The following SHANK1 variants were observed in gnomAD, a reference collection of about 807,000 sequenced individuals.
SHANK1 encodes the protein SH3 and multiple ankyrin repeat domains protein 1.
Under a neutral mutation model 165.6 loss-of-function variants are expected in SHANK1, and 35 were observed. The observed-to-expected ratio is 0.21, with a 90% CI of 0.16 to 0.28. The LOEUF (loss-of-function observed/expected upper bound fraction) is 0.28, where lower values mean the gene tolerates loss of function less well. Ranked by LOEUF, SHANK1 falls within the 10% of genes least tolerant of loss-of-function variation. The pLI is 1.00. For synonymous variants in SHANK1, 1,428 were observed against 1,384.8 expected, an observed-to-expected ratio of 1.03 and a Z score of -0.69; for missense variants, 2,681 against 3,036.4, an observed-to-expected ratio of 0.88 and a Z score of 2.75.
rs779320379 is a variant in SHANK1 at position 50,687,579 on chromosome 19, C to T, written c.2389+3G>A. The T allele has an allele frequency of 5.8e-6, 9 of 1,547,860 alleles. No homozygotes were observed. In the East Asian group the frequency reaches 1.2e-4, roughly 21 times the overall value. The stretch of plus-strand genomic sequence containing the variant: ...CCTGGCCTCAGCAGCCCCGCAGGCT[C>T]ACCCATCTCCTCCAGCTCTGAGGTC... On this transcript the variant is annotated splice_donor_region_variant and intron_variant, in intron 19 of 23. Coordinates refer to ENST00000293441, the MANE Select transcript of SHANK1 (RefSeq NM_016148.5).
At chr19:50,694,470 G>C (rs1019022789) in intron 15 of SHANK1, among the ~76,000 whole-genome samples, 3 of 149,444 alleles carry the variant, frequency 2.0e-5, no homozygotes, top group Admixed American at 1.3e-4. Flanking sequence ...AGCCACGGTG[G>C]CTCCCCACAG....
At chr19:50,707,563 CCT>C (rs1491519649) in intron 8 of SHANK1, among the ~76,000 whole-genome samples, 3 of 93,478 alleles carry the variant, frequency 3.2e-5, no homozygotes, top group East Asian at 4.6e-4. Context: ...CCTTCTTCTT[CCT>C]TTTTTTTTTT....
intron 21 of SHANK1, among the ~76,000 whole-genome samples, chr19:50,676,774 A>G (rs1178963701): frequency 6.6e-6 from 1 of 152,118 alleles, no homozygotes; most frequent in Admixed American, 6.5e-5. Flanking sequence ...CTTATTTGGC[A>G]CCTTTTGAGA....
Position 50,717,129 on chromosome 19 carries a change from C to T in SHANK1, c.-43-167G>A, listed in dbSNP as rs2089080235. On this transcript the variant is annotated intron_variant, in intron 1 of 23. Coordinates refer to ENST00000293441, the MANE Select transcript of SHANK1 (RefSeq NM_016148.5). This position sits in a 1 kb window ranked among gnomAD's most constrained non-coding sequence, Gnocchi z 5.5. ...CCTGCACGGCCTCCCCTGCCGCCTCCTCCCACGCTGGCACGCACACACCCC... is the reference window on the plus strand; with the variant it reads ...CCTGCACGGCCTCCCCTGCCGCCTCTTCCCACGCTGGCACGCACACACCCC... Among the ~76,000 whole-genome samples the T allele has an allele frequency of 6.6e-6, 1 of 152,170 alleles. No individual in the cohort carries two copies. Among genetic ancestry groups the T allele is most frequent in the Admixed American group, 6.5e-5 (1 of 15,288 alleles).
chr19:50,669,786 AG>A (rs1263174596), intron 22 of SHANK1, among the ~76,000 whole-genome samples: 2 of 151,130 alleles, frequency 1.3e-5, no homozygotes, highest in Non-Finnish European at 2.9e-5. Context: ...AAAAAAAATC[AG>A]GTAAACGATG....
chr19:50,686,854 G>C lies in SHANK1; in HGVS notation c.2390-42C>G, dbSNP rs774834413. 3.1e-6 allele frequency: 5 copies of C among 1,610,570 alleles called. No individual in the cohort carries two copies. The South Asian group carries it at 5.5e-5, about 18-fold the overall frequency. On this transcript the variant is annotated intron_variant, in intron 19 of 23. Transcript: ENST00000293441. This position sits in a 1 kb window ranked among gnomAD's most constrained non-coding sequence, Gnocchi z 5.7. ...CGGATGACGCCCAGGGAGCCCCCGG[G>C]GGCGGGGCGGAGCGGGCTCGGCCTG... is the stretch of plus-strand genomic sequence containing the variant.
rs565056463 is a variant in SHANK1, at chr19:50,682,449, A to T, written c.2577+3788T>A. 8.5e-5 allele frequency among the ~76,000 whole-genome samples: 13 copies of T among 152,330 alleles called. No individual in the cohort carries two copies. The South Asian group carries it at 2.7e-3, about 32-fold the overall frequency. ...ATGGAACCCTCATAAGAACTGGGCAAGTTTCACTTTAGCCCCATTTTAAAG... is the reference window on the plus strand; with the variant it reads ...ATGGAACCCTCATAAGAACTGGGCATGTTTCACTTTAGCCCCATTTTAAAG... On this transcript the variant is annotated intron_variant, in intron 21 of 23. Transcript: ENST00000293441.
Position 50,716,818 on chromosome 19 carries a change from A to G in SHANK1, c.102T>C (p.Gly34=). 1 of 1,577,970 alleles carries G rather than the reference A, an allele frequency of 6.3e-7. No homozygotes were observed. The highest frequency in any genetic ancestry group is 8.6e-7 in the Non-Finnish European group (1 of 1,165,702). Residue 34 remains glycine, a synonymous_variant, in exon 2 of 24, where the codon GGT becomes GGC. Transcript: ENST00000293441. The surrounding 1 kb of genome is among the most constrained non-coding windows in gnomAD (Gnocchi z 8.4). Reference sequence around the variant, plus strand: ...GGCCCCGGGTCCCCCGGGGGCCTCGACCTGGCCCGTCTGGGGAGCTGTCGG... The same window carrying G: ...GGCCCCGGGTCCCCCGGGGGCCTCGGCCTGGCCCGTCTGGGGAGCTGTCGG... ...SESDSSPDGP[G]RGPRGTRGQG...
At chr19:50,707,506 G>T (rs373055695) in intron 8 of SHANK1, among the ~76,000 whole-genome samples, 3 of 152,018 alleles carry the variant, frequency 2.0e-5, no homozygotes, top group Admixed American at 1.3e-4. Context: ...GCTACGCCCA[G>T]GGCCACACAA....
Position 50,712,045 on chromosome 19 carries a change from C to T in SHANK1, c.862G>A (p.Ala288Thr). 6.2e-7 allele frequency: 1 copy of T among 1,613,842 alleles called. No individual in the cohort carries two copies. Among genetic ancestry groups the T allele is most frequent in the East Asian group, 2.2e-5 (1 of 44,882 alleles). ...RRGLTPLFHT[A>T]MVGGDPRCCE... ...CATCGGGGGTCACCACCCACCATGG[C>T]CGTGTGGAACAGAGGGGTCAGCCCC... The change falls in exon 7 of 24, where the codon GCC (alanine) becomes ACC (threonine). Residue 288 changes from alanine to threonine, a missense_variant. Coordinates refer to ENST00000293441, the MANE Select transcript of SHANK1 (RefSeq NM_016148.5).
Position 50,689,213 on chromosome 19 carries a change from C to G in SHANK1, c.2031G>C (p.Val677=), listed in dbSNP as rs1039819173. ...GGCACTCACCCTTGGCCCCCCGGAG[C>G]ACGAACCCAAACCCCTCACTGTCCT... ...QKKDSEGFGF[V]LRGAKAQTPI... is the part of the protein sequence containing the mutation. The change falls in exon 16 of 24, where the codon GTG becomes GTC. Residue 677 remains valine (V), a synonymous_variant. Coordinates refer to ENST00000293441, the MANE Select transcript of SHANK1 (RefSeq NM_016148.5). 2 of 1,611,854 alleles carry G rather than the reference C, an allele frequency of 1.2e-6. No individual in the cohort carries two copies. The highest frequency in any genetic ancestry group is 1.7e-6 in the Non-Finnish European group (2 of 1,178,750).
In SHANK1 at chr19:50,716,442, T is replaced by C; in HGVS notation, c.292A>G (p.Thr98Ala). 6.2e-7 allele frequency: 1 copy of C among 1,614,156 alleles called. No individual in the cohort carries two copies. The highest frequency in any genetic ancestry group is 8.5e-7 in the Non-Finnish European group (1 of 1,180,030). The change falls in exon 3 of 24, where the codon ACG becomes GCG. Residue 98 changes from threonine (T) to alanine (A), a missense_variant. Coordinates refer to ENST00000293441, the MANE Select transcript of SHANK1 (RefSeq NM_016148.5). The surrounding 1 kb of genome is among the most constrained non-coding windows in gnomAD (Gnocchi z 8.4). ...LRFNPDATIW[T>A]AKQQVLCALS... ...GCACAGAGCACCTGCTGCTTGGCCGTCCAGATGGTGGCATCGGGGTTGAAG... is the reference window on the plus strand; with the variant it reads ...GCACAGAGCACCTGCTGCTTGGCCGCCCAGATGGTGGCATCGGGGTTGAAG...
At chr19:50,689,725 A>C (rs1169305999) in intron 15 of SHANK1, among the ~76,000 whole-genome samples, 2 of 152,174 alleles carry the variant, frequency 1.3e-5, no homozygotes, top group African/African-American at 4.8e-5. Context: ...TGCAGTGGGA[A>C]TCCAGTGGGG....
At position 50,668,654 on chromosome 19, in the gene SHANK1, C is replaced by G. The variant is rs2123084256; in HGVS notation, c.3306G>C (p.Ser1102=). 3 of 1,362,420 alleles carry G rather than the reference C, an allele frequency of 2.2e-6. No homozygotes were observed. Among genetic ancestry groups the G allele is most frequent in the Non-Finnish European group, 2.8e-6 (3 of 1,057,348 alleles). 84.4% of individuals were successfully genotyped at this position (1,362,420 alleles called of 1,614,324 possible). A position where few individuals can be genotyped will look rare whatever the true frequency, so the allele number is the denominator to read the frequency against. Residue 1102 remains serine, a synonymous_variant, in exon 23 of 24, where the codon TCG becomes TCC. Transcript: ENST00000293441. ...CCAGCGGGCCCTTGCGGCCGCGGCC[C>G]GAGCGGGCGGGCACGTACATGGCTG... is the stretch of plus-strand genomic sequence containing the variant. The part of the protein sequence containing the change: ...ASAAMYVPAR[S]GRGRKGPLVK...
chr19:50,661,939 C>T lies in SHANK1; in HGVS notation c.*26G>A, dbSNP rs778116957. The T allele has an allele frequency of 1.4e-5, 22 of 1,611,636 alleles. No individual in the cohort carries two copies. Among genetic ancestry groups the T allele is most frequent in the East Asian group, 6.7e-5 (3 of 44,864 alleles). The stretch of plus-strand genomic sequence containing the variant: ...CCAGCAGGCTCAAGAGTTCTGTGGA[C>T]GGGGCTGGTCCGTCCAGGCCAGCCA... On this transcript the variant is annotated 3_prime_UTR_variant, in exon 24 of 24. Coordinates refer to ENST00000293441, the MANE Select transcript of SHANK1 (RefSeq NM_016148.5).
rs1985605633 is a variant in SHANK1, at chr19:50,667,835, C to G, written c.4125G>C (p.Gln1375His). Residue 1375 changes from glutamine (Q) to histidine (H), a missense_variant, in exon 23 of 24, where the codon CAG becomes CAC. Gln to His is a conservative substitution (Grantham distance 24). Around this residue, in one of 10 missense-constraint regions of SHANK1, gnomAD observed 1,713 missense variants for 1,630.2 expected, o/e 1.05. Transcript: ENST00000293441. The surrounding 1 kb of genome is among the most constrained non-coding windows in gnomAD (Gnocchi z 5.7). ...KESSEGGGAP[Q>H]PPPRPPSPRY... The stretch of plus-strand genomic sequence containing the variant: ...GGGGCGATGGGGGCCTGGGAGGCGG[C>G]TGGGGGGCCCCGCCGCCCTCCGAGG... 1.0e-5 allele frequency: 13 copies of G among 1,296,430 alleles called. No individual in the cohort carries two copies. Among genetic ancestry groups the G allele is most frequent in the Non-Finnish European group, 1.3e-5 (13 of 1,026,496 alleles). The allele number at this position is 1,296,430 out of a possible 1,614,324, so 80.3% of individuals were successfully genotyped here. A position where few individuals can be genotyped will look rare whatever the true frequency, so the allele number is the denominator to read the frequency against.
At position 50,667,246 on chromosome 19, in the gene SHANK1, C is replaced by G; in HGVS notation, c.4714G>C (p.Glu1572Gln). 1 of 1,591,956 alleles carries G rather than the reference C, an allele frequency of 6.3e-7. No individual in the cohort carries two copies. The highest frequency in any genetic ancestry group is 8.5e-7 in the Non-Finnish European group (1 of 1,176,724). Residue 1572 changes from glutamate (E) to glutamine (Q), a missense_variant, in exon 23 of 24, where the codon GAA (glutamate) becomes CAA (glutamine). Physicochemically the swap from Glu to Gln is conservative, Grantham distance 29. Transcript: ENST00000293441. This position sits in a 1 kb window ranked among gnomAD's most constrained non-coding sequence, Gnocchi z 5.7. ...GGCTTTTCGAAGCTGTTGGAGAATT[C>G]CAGAGGCGGAGGCAGCGGTTCCACG... The part of the protein sequence containing the change: ...LFVEPLPPPL[E>Q]FSNSFEKPES...
chr19:50,662,241 T>C lies in SHANK1; in HGVS notation c.6210A>G (p.Ser2070=), dbSNP rs752171898. The C allele has an allele frequency of 3.1e-6, 5 of 1,610,292 alleles. No individual in the cohort carries two copies. In the Admixed American group the frequency reaches 8.4e-5, roughly 27 times the overall value. ...TCGGTGAGAGGGAGCGCGAGGCCCC[T>C]GACAAGGCTCCCCCGAGCCCCCCGG... The part of the protein sequence containing the change: ...GISGGLGGAL[S]GASRSLSPTR... The change falls in exon 24 of 24, where the codon TCA becomes TCG. Residue 2070 remains serine, a synonymous_variant. Coordinates refer to ENST00000293441, the MANE Select transcript of SHANK1 (RefSeq NM_016148.5). The surrounding 1 kb of genome is among the most constrained non-coding windows in gnomAD (Gnocchi z 7.7).
At chr19:50,705,734 A>T (rs918181719) in intron 8 of SHANK1, among the ~76,000 whole-genome samples, 49 of 152,228 alleles carry the variant, frequency 3.2e-4, no homozygotes, top group African/African-American at 1.1e-3. Context: ...TCTAGACCTT[A>T]CGGAGGCTTA....
Sources: gnomAD v4.1 joint callset for allele counts (sites outside exome capture counted in the v4.1 genomes callset) on GRCh38, gnomAD v4.1.1 for gene constraint, gnomAD v4.1.1 regional missense constraint, Gnocchi (gnomAD v3.1) non-coding constraint, MANE v1.5 for transcripts, NCBI Gene and HGNC (gene_info 2026-07-23, HGNC 2026-07-21) for gene names.